SSUH2: variants seen among roughly 807,000 people sequenced by gnomAD.
SSUH2 encodes protein SSUH2 homolog.
Under a neutral mutation model 55.3 loss-of-function variants are expected in SSUH2, and 47 were observed. The ratio of observed to expected loss-of-function variants is 0.85; its 90% confidence interval spans 0.67 to 1.08. The LOEUF is 1.08. SSUH2 is among the 50% of genes least tolerant of loss of function. SSUH2 has a pLI of 0.00. For synonymous variants in SSUH2, 212 were observed against 191.5 expected (o/e 1.11, Z -0.89); for missense variants, 535 against 490.7 (o/e 1.09, Z -0.85).
intron 3 of SSUH2, among the ~76,000 whole-genome samples, chr3:8,673,694 C>T (rs573906136): frequency 6.6e-6 from 1 of 152,304 alleles, no homozygotes; most frequent in Non-Finnish European, 1.5e-5. Flanking sequence ...GAGGAACATG[C>T]ACCAGACCAG....
chr3:8,671,341 C>T (rs1232767427), intron 4 of SSUH2, among the ~76,000 whole-genome samples: 1 of 151,962 alleles, frequency 6.6e-6, no homozygotes, highest in Non-Finnish European at 1.5e-5. Flanking sequence ...GTCACATTTC[C>T]CTAGAATATG....
chr3:8,675,114 A>G (rs1705086938), intron 3 of SSUH2, among the ~76,000 whole-genome samples: 1 of 152,172 alleles, frequency 6.6e-6, no homozygotes. Context: ...ATCAAGCTAC[A>G]CTGACTTTAC....
At chr3:8,674,252 C>A (rs1270770285) in intron 3 of SSUH2, among the ~76,000 whole-genome samples, 1 of 152,222 alleles carries the variant, frequency 6.6e-6, no homozygotes, top group African/African-American at 2.4e-5. Flanking sequence ...CTCAGCTTGG[C>A]TGTCAGGGTT....
At position 8,633,500 on chromosome 3, in the gene SSUH2, A is replaced by G. The variant is rs140551369; in HGVS notation, c.339+166T>C. The stretch of plus-strand genomic sequence containing the variant: ...TTATTATCACTCACAGCCACAGACA[A>G]GTCAAGTTGCAGATGGGATTCAACA... On this transcript the variant is annotated intron_variant, in intron 4 of 11. Coordinates refer to ENST00000544814, the MANE Select transcript of SSUH2 (RefSeq NM_001256748.3). 8.3e-3 allele frequency among the ~76,000 whole-genome samples: 1,268 copies of G among 152,224 alleles called. 20 individuals carry two copies. The highest frequency in any genetic ancestry group is 0.028 in the African/African-American group (1,164 of 41,536).
At position 8,678,620 on chromosome 3, in the gene SSUH2, C is replaced by CT. The variant is rs1246730097; in HGVS notation, c.-901+1084_-901+1085insA. 6.8e-3 allele frequency among the ~76,000 whole-genome samples: 256 copies of CT among 37,538 alleles called. 39 individuals carry two copies. The highest frequency in any genetic ancestry group is 9.7e-3 in the Non-Finnish European group (186 of 19,216). The allele number at this position is 37,538 out of a possible 152,430, so 24.6% of individuals were successfully genotyped here. ...GGACTGAGAGCCAGCCCTTCTTCCC[C>CT]CCCGGCTTTTGGGACCCCCATCGCA... is the stretch of plus-strand genomic sequence containing the variant. On this transcript the variant is annotated intron_variant, in intron 2 of 18. Transcript: ENST00000317371.
At chr3:8,628,470 G>A (rs926781288) in intron 7 of SSUH2, among the ~76,000 whole-genome samples, 3 of 152,210 alleles carry the variant, frequency 2.0e-5, no homozygotes, top group African/African-American at 7.2e-5. Context: ...GTGCTGGGTT[G>A]AATAGCGGCC....
At chr3:8,634,064 A>G in intron 3 of SSUH2, 1 of 995,928 alleles carries the variant, frequency 1.0e-6, no homozygotes, top group Non-Finnish European at 1.5e-6. Context: ...GAATCCTGCA[A>G]CTGAAGAAAC....
chr3:8,624,667 A>G (rs1697156687), intron 10 of SSUH2, among the ~76,000 whole-genome samples: 1 of 152,232 alleles, frequency 6.6e-6, no homozygotes, highest in African/African-American at 2.4e-5. Context: ...GTAGTCTGTC[A>G]TTATCCAGCT....
In SSUH2 at chr3:8,629,289, G is replaced by A. The variant is rs183067883; in HGVS notation, c.588+375C>T. 3.9e-4 allele frequency: 97 copies of A among 249,956 alleles called. No homozygotes were observed. The East Asian group carries it at 7.7e-3, about 20-fold the overall frequency. The allele number at this position is 249,956 out of a possible 1,614,324, so 15.5% of individuals were successfully genotyped here. ...TTACCTGCTCAGCACCCACTGCCCT[G>A]CACGACAAATGGAGTTGCTTGTTGG... is the stretch of plus-strand genomic sequence containing the variant. On this transcript the variant is annotated intron_variant, in intron 7 of 11. Coordinates refer to ENST00000544814, the MANE Select transcript of SSUH2 (RefSeq NM_001256748.3).
At chr3:8,644,609 T>A in intron 1 of SSUH2, 122 bp downstream of exon 1, 3 of 883,158 alleles carry the variant, frequency 3.4e-6, no homozygotes, top group Non-Finnish European at 5.4e-6. Flanking sequence ...GCTACAGAGC[T>A]TATTAGAAAA....
intron 1 of SSUH2, chr3:8,639,852 C>A: frequency 3.2e-6 from 2 of 632,444 alleles, no homozygotes; most frequent in South Asian, 1.4e-4. Flanking sequence ...GGACAGGGGC[C>A]CCTGTCTCGT....
intron 10 of SSUH2, 102 bp from the exon 11 acceptor site, chr3:8,623,758 G>T: frequency 1.6e-6 from 1 of 616,174 alleles, no homozygotes; most frequent in South Asian, 2.1e-5. Flanking sequence ...AGACAGAGAA[G>T]GGGGCTGAGA....
upstream of SSUH2, among the ~76,000 whole-genome samples, chr3:8,648,274 A>G (rs564081421): frequency 6.6e-6 from 1 of 152,338 alleles, no homozygotes; most frequent in African/African-American, 2.4e-5. Flanking sequence ...GCAAGTTGGC[A>G]CCAAGGCCCT....
chr3:8,650,997 G>A (rs1026378611), intron 7 of SSUH2, among the ~76,000 whole-genome samples: 3 of 152,214 alleles, frequency 2.0e-5, no homozygotes, highest in African/African-American at 7.2e-5. Flanking sequence ...AGGCAGAGAT[G>A]CTAATCTCAT....
intron 7 of SSUH2, chr3:8,658,855 A>T (rs1703200471): frequency 1.5e-5 from 1 of 66,740 alleles, no homozygotes; most frequent in African/African-American, 4.4e-5. Flanking sequence ...TCCCCCAAAC[A>T]AAACAAAACA....
At chr3:8,666,693 C>T (rs1469704182) in intron 5 of SSUH2, among the ~76,000 whole-genome samples, 2 of 152,156 alleles carry the variant, frequency 1.3e-5, no homozygotes, top group Non-Finnish European at 2.9e-5. Flanking sequence ...GGATGTCCTC[C>T]AATTCAATTC....
rs1177507592 is a variant in SSUH2, at chr3:8,676,158, T to A, written c.-753+1048A>T. Among the ~76,000 whole-genome samples the A allele has an allele frequency of 2.0e-5, 3 of 151,972 alleles. No individual in the cohort carries two copies. In the East Asian group the frequency reaches 5.8e-4, roughly 30 times the overall value. On this transcript the variant is annotated intron_variant, in intron 3 of 18. Transcript: ENST00000317371. ...CACAGCCTGTTTACCATATTGTGAG[T>A]AATATCATCTCCCCCTCTGGAGATT... is the stretch of plus-strand genomic sequence containing the variant.
At chr3:8,653,655 A>G (rs1263839556) in intron 7 of SSUH2, among the ~76,000 whole-genome samples, 2 of 152,254 alleles carry the variant, frequency 1.3e-5, no homozygotes, top group Non-Finnish European at 2.9e-5. Context: ...TAACTAAAAT[A>G]TTGTTCACAA....
chr3:8,623,609 G>C lies in SSUH2; in HGVS notation c.921C>G (p.Ser307=). 1 of 1,545,946 alleles carries C rather than the reference G, an allele frequency of 6.5e-7. No individual in the cohort carries two copies. Among genetic ancestry groups the C allele is most frequent in the Non-Finnish European group, 8.8e-7 (1 of 1,142,578 alleles). The change falls in exon 11 of 12, where the codon TCC becomes TCG. Residue 307 remains serine (S), a synonymous_variant. Coordinates refer to ENST00000544814, the MANE Select transcript of SSUH2 (RefSeq NM_001256748.3). ...DFPLRDISLA[S]QRGIAEHSAA... ...CGCTGTGCTCTGCAATGCCCCTCTGGGAGGCAAGAGAGATGTCTCGCAGAG... is the reference window on the plus strand; with the variant it reads ...CGCTGTGCTCTGCAATGCCCCTCTGCGAGGCAAGAGAGATGTCTCGCAGAG...
Sources: allele counts gnomAD v4.1 joint callset (sites outside exome capture counted in the v4.1 genomes callset), GRCh38; gene constraint gnomAD v4.1.1; transcripts MANE v1.5; gene names NCBI Gene and HGNC (gene_info 2026-07-23, HGNC 2026-07-21).